Variants in FMO4 observed in about 807,000 individuals in gnomAD.
FMO4 encodes flavin containing dimethylaniline monoxygenase 4.
FMO4 carries 38 observed loss-of-function variants against 43.3 expected under a neutral mutation model. The ratio of observed to expected loss-of-function variants is 0.88; its 90% CI spans 0.68 to 1.15. FMO4 has a LOEUF of 1.15. Among genes scored for constraint, FMO4 ranks in the 50% most tolerant of loss-of-function variants. The pLI is 0.00. For synonymous variants in FMO4, 224 were observed against 232.2 expected, an observed-to-expected ratio of 0.96 and a Z score of 0.32; for missense variants, 631 against 663.3, an observed-to-expected ratio of 0.95 and a Z score of 0.54.
intron 5 of FMO4, among the ~76,000 whole-genome samples, chr1:171,330,952 C>T (rs553936818): frequency 2.0e-5 from 3 of 152,230 alleles, no homozygotes; most frequent in East Asian, 3.9e-4. Flanking sequence ...AATAAGCATA[C>T]TGCATAATAA....
At chr1:171,333,093 G>A in intron 7 of FMO4, 185 bp downstream of exon 7, 3 of 460,954 alleles carry the variant, frequency 6.5e-6, no homozygotes, top group Non-Finnish European at 7.6e-6. Context: ...TTCTCTTTCT[G>A]GTGGCAAAAG....
At chr1:171,317,568 C>T (rs1389454647) in intron 2 of FMO4, among the ~76,000 whole-genome samples, 1 of 152,128 alleles carries the variant, frequency 6.6e-6, no homozygotes, top group African/African-American at 2.4e-5. Flanking sequence ...GTGATATGTG[C>T]AGAAATGATA....
intron 9 of FMO4, among the ~76,000 whole-genome samples, chr1:171,338,129 C>G (rs781210232): frequency 6.6e-6 from 1 of 152,108 alleles, no homozygotes; most frequent in Non-Finnish European, 1.5e-5. Context: ...AGTCAAAAAC[C>G]TTGGATTAAT....
chr1:171,334,915 T>G, intron 8 of FMO4, 152 bp downstream of exon 8: 1 of 552,230 alleles, frequency 1.8e-6, no homozygotes, highest in Non-Finnish European at 3.2e-6. Context: ...GAGGGTGTGC[T>G]GTGTCACTTA....
chr1:171,323,138 C>A lies in FMO4; in HGVS notation c.267C>A (p.Asp89Glu), dbSNP rs914285583. Reference sequence around the variant, plus strand: ...TCATGAACCATGAAAAATTTTGGGACTATCTCCAAGAATTTGCTGAGCACT... The same window carrying A: ...TCATGAACCATGAAAAATTTTGGGAATATCTCCAAGAATTTGCTGAGCACT... The part of the protein sequence containing the change: ...PNFMNHEKFW[D>E]YLQEFAEHFD... Residue 89 changes from aspartate to glutamate, a missense_variant, in exon 4 of 10, where the codon GAC becomes GAA. By Grantham distance (45) the Asp-to-Glu change is conservative. Coordinates refer to ENST00000367749, the MANE Select transcript of FMO4 (RefSeq NM_002022.3). 1.1e-5 allele frequency: 17 copies of A among 1,613,554 alleles called. No homozygotes were observed. Among genetic ancestry groups the A allele is most frequent in the South Asian group, 7.7e-5 (7 of 91,062 alleles).
intron 5 of FMO4, among the ~76,000 whole-genome samples, chr1:171,331,403 A>G (rs996958793): frequency 3.3e-5 from 5 of 152,350 alleles, no homozygotes; most frequent in African/African-American, 1.2e-4. Flanking sequence ...GCACATTCAT[A>G]TGGAATTCAA....
Position 171,334,439 on chromosome 1 carries a change from G to T in FMO4, c.856G>T (p.Glu286Ter). 1 of 1,585,560 alleles carries T rather than the reference G, an allele frequency of 6.3e-7. No homozygotes were observed. Among genetic ancestry groups the T allele is most frequent in the African/African-American group, 1.4e-5 (1 of 73,208 alleles). The change falls in exon 8 of 10, where the codon GAG becomes TAG. Residue 286 changes from glutamate (E) to a stop codon, truncating the protein, a stop_gained. Coordinates refer to ENST00000367749, the MANE Select transcript of FMO4 (RefSeq NM_002022.3). LOFTEE classifies it high-confidence loss of function. ...GKKAKFIVND[E>*]LPNCILCGAI... ...AAAAGCAAAATTCATTGTGAATGATGAGCTGCCAAACTGTATCCTCTGTGG... is the reference window on the plus strand; with the variant it reads ...AAAAGCAAAATTCATTGTGAATGATTAGCTGCCAAACTGTATCCTCTGTGG...
At chr1:171,337,720 T>C (rs1663176315) in intron 9 of FMO4, among the ~76,000 whole-genome samples, 1 of 152,176 alleles carries the variant, frequency 6.6e-6, no homozygotes, top group Admixed American at 6.5e-5. Context: ...ACTCTCTTCC[T>C]ACCTCTCAGG....
At position 171,337,380 on chromosome 1, in the gene FMO4, A is replaced by C. The variant is rs751478744; in HGVS notation, c.1205A>C (p.Gln402Pro). 1 of 1,612,362 alleles carries C rather than the reference A, an allele frequency of 6.2e-7. No homozygotes were observed. The highest frequency in any genetic ancestry group is 1.1e-5 in the South Asian group (1 of 91,052). Residue 402 changes from glutamine to proline, a missense_variant, in exon 9 of 10, where the codon CAA becomes CCA. Coordinates refer to ENST00000367749, the MANE Select transcript of FMO4 (RefSeq NM_002022.3). ...FKGLCKIPPS[Q>P]KLMMEATEKE... Reference sequence around the variant, plus strand: ...GGACTCTGTAAGATACCTCCATCCCAAAAATTGATGATGGAGGCTACTGAA... The same window carrying C: ...GGACTCTGTAAGATACCTCCATCCCCAAAATTGATGATGGAGGCTACTGAA...
At position 171,323,084 on chromosome 1, in the gene FMO4, C is replaced by T. The variant is rs1662504699; in HGVS notation, c.213C>T (p.Asp71=). 1.2e-6 allele frequency: 2 copies of T among 1,612,432 alleles called. No individual in the cohort carries two copies. Among genetic ancestry groups the T allele is most frequent in the Admixed American group, 1.7e-5 (1 of 59,970 alleles). Residue 71 remains aspartate (D), a synonymous_variant, in exon 4 of 10, where the codon GAC becomes GAT. Transcript: ENST00000367749. ...GTAAGGAAATGTCATGTTACAGTGA[C>T]TTCCCTTTCCACGAAGATTATCCTA... The part of the protein sequence containing the change: ...NVCKEMSCYS[D]FPFHEDYPNF...
intron 5 of FMO4, among the ~76,000 whole-genome samples, chr1:171,325,715 A>C (rs1399963351): frequency 1.3e-5 from 2 of 151,244 alleles, no homozygotes; most frequent in African/African-American, 2.4e-5. Flanking sequence ...ATGTGCTGTA[A>C]GTGCCAAACT....
intron 3 of FMO4, among the ~76,000 whole-genome samples, chr1:171,321,558 G>C (rs961320792): frequency 6.6e-6 from 1 of 152,148 alleles, no homozygotes; most frequent in Non-Finnish European, 1.5e-5. Flanking sequence ...CACGAGGAAA[G>C]AAATATGTAC....
intron 8 of FMO4, among the ~76,000 whole-genome samples, chr1:171,336,961 G>GCACACACACA (rs35512975): frequency 3.7e-4 from 54 of 147,112 alleles, no homozygotes; most frequent in African/African-American, 1.3e-3. Flanking sequence ...ACACAAACAT[G>GCACACACACA]CACACACACA....
Position 171,337,338 on chromosome 1 carries a change from T to C in FMO4, c.1181-18T>C, listed in dbSNP as rs1270043067. 2 of 1,580,876 alleles carry C rather than the reference T, an allele frequency of 1.3e-6. No homozygotes were observed. The highest frequency in any genetic ancestry group is 1.7e-6 in the Non-Finnish European group (2 of 1,149,844). ...AAGCCACATGTGACTTTAGTGTTGT[T>C]TGTGATTTTTCCCACAGGACTCTGT... On this transcript the variant is annotated intron_variant, in intron 8 of 9. Coordinates refer to ENST00000367749, the MANE Select transcript of FMO4 (RefSeq NM_002022.3).
At chr1:171,324,026 C>T (rs776008963) in intron 4 of FMO4, 112 bp from the exon 5 acceptor site, 88 of 907,040 alleles carry the variant, frequency 9.7e-5, no homozygotes, top group Non-Finnish European at 1.2e-4. Context: ...ATTAATAGAC[C>T]TCCTGTCATG....
At chr1:171,338,944 A>C (rs1461630285) in intron 9 of FMO4, among the ~76,000 whole-genome samples, 2 of 152,248 alleles carry the variant, frequency 1.3e-5, no homozygotes, top group East Asian at 3.8e-4. Flanking sequence ...TGAATGAATG[A>C]ATGATTGACA....
Position 171,342,025 on chromosome 1 carries a change from G to A in FMO4, c.*186G>A. 1.7e-6 allele frequency: 1 copy of A among 572,272 alleles called. No homozygotes were observed. Among genetic ancestry groups the A allele is most frequent in the Non-Finnish European group, 3.1e-6 (1 of 324,482 alleles). The allele number at this position is 572,272 out of a possible 1,614,324, so 35.4% of individuals were successfully genotyped here. A position where few individuals can be genotyped will look rare whatever the true frequency, so the allele number is the denominator to read the frequency against. ...CCTCTTTCTTGCCACCCTTTCCAAT[G>A]CATCTTCTACCCTGCTACCTCAGTG... On this transcript the variant is annotated 3_prime_UTR_variant, in exon 10 of 10. Transcript: ENST00000367749.
Position 171,342,071 on chromosome 1 carries a change from TATG to T in FMO4, c.*235_*237del, listed in dbSNP as rs1663402624. 1.2e-5 allele frequency: 6 copies of T among 489,170 alleles called. No individual in the cohort carries two copies. The highest frequency in any genetic ancestry group is 5.5e-4 in the Middle Eastern group (1 of 1,816). The allele number at this position is 489,170 out of a possible 1,614,324, so 30.3% of individuals were successfully genotyped here. On this transcript the variant is annotated 3_prime_UTR_variant, in exon 10 of 10. Transcript: ENST00000367749. Reference sequence around the variant, plus strand: ...CAGTGATTATTCTAAAATAAATATATATGATATGGTTTAGCTGTGTCCCCACCC... The same window carrying T: ...CAGTGATTATTCTAAAATAAATATATATATGGTTTAGCTGTGTCCCCACCC...
At chr1:171,329,986 A>AC (rs1662831851) in intron 5 of FMO4, among the ~76,000 whole-genome samples, 1 of 152,190 alleles carries the variant, frequency 6.6e-6, no homozygotes, top group Non-Finnish European at 1.5e-5. Flanking sequence ...GTTTCTTATT[A>AC]TTTGTGAGTT....
Sources: allele counts gnomAD v4.1 joint callset (sites outside exome capture counted in the v4.1 genomes callset), GRCh38; gene constraint gnomAD v4.1.1; transcripts MANE v1.5; gene names NCBI Gene and HGNC (gene_info 2026-07-23, HGNC 2026-07-21).